TMED8: variants seen among roughly 807,000 people sequenced by gnomAD.
TMED8 encodes the protein transmembrane p24 trafficking protein family member 8, also known as protein TMED8.
TMED8 carries 15 observed loss-of-function variants against 32.7 expected under a neutral mutation model. The observed-to-expected ratio is 0.46, with a 90% CI of 0.31 to 0.71. The LOEUF (loss-of-function observed/expected upper bound fraction) is 0.71, where lower values mean the gene tolerates loss of function less well. Among genes scored for constraint, TMED8 ranks in the 30% least tolerant of loss-of-function variants. The probability of loss-of-function intolerance (pLI) is 0.06; values close to 1 mark genes in which losing one functional copy is unlikely to be tolerated. For missense variants in TMED8, 390 were observed against 423.9 expected, an observed-to-expected ratio of 0.92 and a Z score of 0.70; for synonymous variants, 147 against 161.4, an observed-to-expected ratio of 0.91 and a Z score of 0.68.
chr14:77,344,500 G>C (rs1178192128), intron 3 of TMED8, among the ~76,000 whole-genome samples: 2 of 152,232 alleles, frequency 1.3e-5, no homozygotes, highest in Admixed American at 6.5e-5. Flanking sequence ...TTACATGGAA[G>C]AATGCAAATG....
Position 77,341,626 on chromosome 14 carries a change from G to T in TMED8, c.*145C>A. 2 of 743,524 alleles carry T rather than the reference G, an allele frequency of 2.7e-6. No individual in the cohort carries two copies. 46.1% of individuals were successfully genotyped at this position (743,524 alleles called of 1,614,324 possible). On this transcript the variant is annotated 3_prime_UTR_variant, in exon 6 of 6. Transcript: ENST00000216468. ...AGCCAAGAAGGGGAAAAAGCTACGT[G>T]GGCCAACAGTCAGGCATGCCAGACA...
chr14:77,375,699 G>C (rs1738400191), intron 1 of TMED8, among the ~76,000 whole-genome samples: 1 of 152,120 alleles, frequency 6.6e-6, no homozygotes, highest in Admixed American at 6.5e-5. Context: ...GAAGATACTT[G>C]GGATCAGAGT....
rs1287163964 is a variant in TMED8 at position 77,336,232 on chromosome 14, T to C, written c.*5539A>G. 2 of 152,194 alleles carry C rather than the reference T, an allele frequency of 1.3e-5. No homozygotes were observed. Among genetic ancestry groups the C allele is most frequent in the South Asian group, 2.1e-4 (1 of 4,832 alleles). The allele number at this position is 152,194 out of a possible 1,614,324, so 9.4% of individuals were successfully genotyped here. A position where few individuals can be genotyped will look rare whatever the true frequency, so the allele number is the denominator to read the frequency against. ...CCACAACTACCTGCTTAAATTTTTT[T>C]TTAAACTATGGAATTAAATAAACAT... On this transcript the variant is annotated 3_prime_UTR_variant, in exon 6 of 6. Coordinates refer to ENST00000216468, the MANE Select transcript of TMED8 (RefSeq NM_213601.3).
intron 1 of TMED8, among the ~76,000 whole-genome samples, chr14:77,374,824 G>A (rs10134642): frequency 0.32 from 48,997 of 152,062 alleles, 8,583 homozygotes; most frequent in Admixed American, 0.4. Flanking sequence ...ATTGTTAATT[G>A]TTTCTCCCTG....
chr14:77,343,323 G>A lies in TMED8; in HGVS notation c.615C>T (p.Cys205=). 6.2e-7 allele frequency: 1 copy of A among 1,614,132 alleles called. No individual in the cohort carries two copies. The highest frequency in any genetic ancestry group is 8.5e-7 in the Non-Finnish European group (1 of 1,180,036). ...VPTHPEGKRV[C]WEFATDDYDI... ...CATAGTCATCGGTCGCAAACTCCCA[G>A]CAGACACGCTTCCCCTCTGGATGAG... is the stretch of plus-strand genomic sequence containing the variant. Residue 205 remains cysteine, a synonymous_variant, in exon 5 of 6, where the codon TGC becomes TGT. Coordinates refer to ENST00000216468, the MANE Select transcript of TMED8 (RefSeq NM_213601.3).
Position 77,376,788 on chromosome 14 carries a change from C to T in TMED8, c.118+148G>A. ...CCCAGGGCCCGGGTGGTGGCAGCGG[C>T]GGGGAAGGGGCCCCGCGCGCGAAGG... On this transcript the variant is annotated intron_variant, in intron 1 of 5. Coordinates refer to ENST00000216468, the MANE Select transcript of TMED8 (RefSeq NM_213601.3). The surrounding 1 kb of genome is among the most constrained non-coding windows in gnomAD (Gnocchi z 4.0). 2.6e-6 allele frequency: 1 copy of T among 385,228 alleles called. No homozygotes were observed. The allele number at this position is 385,228 out of a possible 1,614,324, so 23.9% of individuals were successfully genotyped here. A position where few individuals can be genotyped will look rare whatever the true frequency, so the allele number is the denominator to read the frequency against.
At chr14:77,348,106 T>A (rs1893091348) in intron 2 of TMED8, among the ~76,000 whole-genome samples, 1 of 152,252 alleles carries the variant, frequency 6.6e-6, no homozygotes, top group Non-Finnish European at 1.5e-5. Context: ...TCTCTCTTTG[T>A]ACTACATTCT....
At chr14:77,372,237 CTTT>C (rs957144404) in intron 1 of TMED8, among the ~76,000 whole-genome samples, 7 of 152,172 alleles carry the variant, frequency 4.6e-5, no homozygotes, top group African/African-American at 1.7e-4. Flanking sequence ...TATTTGACAA[CTTT>C]TTAAATGTGC....
intron 5 of TMED8, 49 bp downstream of exon 5, chr14:77,343,129 A>T: frequency 6.3e-7 from 1 of 1,576,860 alleles, no homozygotes; most frequent in Non-Finnish European, 8.6e-7. Context: ...TGGTCACCAG[A>T]AATCAGATTA....
intron 5 of TMED8, among the ~76,000 whole-genome samples, chr14:77,342,674 A>G (rs1892933754): frequency 6.6e-6 from 1 of 152,254 alleles, no homozygotes; most frequent in African/African-American, 2.4e-5. Context: ...AACAGCCGGA[A>G]TGGAGCCCGG....
At chr14:77,349,149 C>T (rs990606917) in intron 2 of TMED8, among the ~76,000 whole-genome samples, 22 of 120,346 alleles carry the variant, frequency 1.8e-4, no homozygotes, top group Non-Finnish European at 2.4e-4. Flanking sequence ...CTTGCTCTGT[C>T]GCCCAAGCTG....
Position 77,366,306 on chromosome 14 carries a change from A to C in TMED8, c.118+10630T>G, listed in dbSNP as rs143232049. On this transcript the variant is annotated intron_variant, in intron 1 of 5. Transcript: ENST00000216468. ...GACAATAGTACTCAGTGGAAGTCAA[A>C]ATGGAAGATCCTTCTCTTCGCAGTA... is the stretch of plus-strand genomic sequence containing the variant. Among the ~76,000 whole-genome samples, 1,012 of 152,286 alleles carry C rather than the reference A, an allele frequency of 6.6e-3. 7 individuals carry two copies. Among genetic ancestry groups the C allele is most frequent in the African/African-American group, 0.023 (976 of 41,546 alleles).
chr14:77,335,216 T>C lies in TMED8; in HGVS notation c.*6555A>G, dbSNP rs1473246367. 2 of 152,174 alleles carry C rather than the reference T, an allele frequency of 1.3e-5. No homozygotes were observed. Among genetic ancestry groups the C allele is most frequent in the East Asian group, 3.8e-4 (2 of 5,196 alleles). 9.4% of individuals were successfully genotyped at this position (152,174 alleles called of 1,614,324 possible). A position where few individuals can be genotyped will look rare whatever the true frequency, so the allele number is the denominator to read the frequency against. On this transcript the variant is annotated 3_prime_UTR_variant, in exon 6 of 6. Transcript: ENST00000216468. ...CAGTGCCACAGGGTGATAAAAATGG[T>C]ATTTTAAAAGAAAAACCACTCAGCA...
chr14:77,370,187 A>T (rs2139636842), intron 1 of TMED8, among the ~76,000 whole-genome samples: 2 of 120,222 alleles, frequency 1.7e-5, no homozygotes, highest in South Asian at 5.1e-4. Context: ...AAAAAAAAAA[A>T]AAAAAATTCT....
At position 77,362,449 on chromosome 14, in the gene TMED8, T is replaced by C. The variant is rs571699099; in HGVS notation, c.119-10698A>G. Among the ~76,000 whole-genome samples the C allele has an allele frequency of 1.7e-3, 254 of 152,186 alleles. 8 individuals carry two copies. The South Asian group carries it at 0.051, about 31-fold the overall frequency. ...TACAATTTATTCTACATAAGCCTCATGGTAACCACAAAGCAAAAAACCACC... is the reference window on the plus strand; with the variant it reads ...TACAATTTATTCTACATAAGCCTCACGGTAACCACAAAGCAAAAAACCACC... On this transcript the variant is annotated intron_variant, in intron 1 of 5. Coordinates refer to ENST00000216468, the MANE Select transcript of TMED8 (RefSeq NM_213601.3).
chr14:77,357,760 C>T (rs1893324735), intron 1 of TMED8, among the ~76,000 whole-genome samples: 1 of 152,140 alleles, frequency 6.6e-6, no homozygotes, highest in Non-Finnish European at 1.5e-5. Flanking sequence ...GCTTTAAAAT[C>T]TTATAAATGC....
rs997725336 is a variant in TMED8 at position 77,376,274 on chromosome 14, G to T, written c.118+662C>A. 6.6e-6 allele frequency among the ~76,000 whole-genome samples: 1 copy of T among 152,214 alleles called. No individual in the cohort carries two copies. The highest frequency in any genetic ancestry group is 1.5e-5 in the Non-Finnish European group (1 of 68,032). The stretch of plus-strand genomic sequence containing the variant: ...GGATGAGGGTCTTGAGAATGAGGGA[G>T]GTAGGCCAAATTTTTAATTCCTGCT... On this transcript the variant is annotated intron_variant, in intron 1 of 5. Coordinates refer to ENST00000216468, the MANE Select transcript of TMED8 (RefSeq NM_213601.3). This position sits in a 1 kb window ranked among gnomAD's most constrained non-coding sequence, Gnocchi z 4.0.
chr14:77,373,397 C>T (rs185477856), intron 1 of TMED8, among the ~76,000 whole-genome samples: 17 of 152,096 alleles, frequency 1.1e-4, no homozygotes, highest in African/African-American at 4.1e-4. Flanking sequence ...TGATTTATCT[C>T]TCCTCTGGGG....
intron 3 of TMED8, 45 bp from the exon 4 acceptor site, chr14:77,343,868 T>A (rs759293364): frequency 2.5e-6 from 4 of 1,584,356 alleles, no homozygotes; most frequent in Admixed American, 1.7e-5. Context: ...AGTGGCAGAT[T>A]CTAATTAATC....
Sources: allele counts gnomAD v4.1 joint callset (sites outside exome capture counted in the v4.1 genomes callset), GRCh38; gene constraint gnomAD v4.1.1; non-coding constraint Gnocchi (gnomAD v3.1); transcripts MANE v1.5; gene names NCBI Gene and HGNC (gene_info 2026-07-23, HGNC 2026-07-21).